Variants in TANK observed in about 807,000 individuals in gnomAD.
TANK encodes TRAF family member associated NFKB activator, also known as TRAF family member-associated NF-kappa-B activator.
In TANK, 15 loss-of-function variants were observed where a neutral mutation model predicts 43.6. That is an observed-to-expected ratio of 0.34 (90% CI 0.23 to 0.53). The LOEUF (loss-of-function observed/expected upper bound fraction) is 0.53, where lower values mean the gene tolerates loss of function less well. Among genes scored for constraint, TANK ranks in the 20% least tolerant of loss-of-function variants. TANK has a pLI of 0.94. For missense variants in TANK, 417 were observed against 498.6 expected (o/e 0.84, Z 1.56); for synonymous variants, 162 against 178.2 (o/e 0.91, Z 0.73).
chr2:161,209,483 A>G (rs1686786941), intron 4 of TANK, among the ~76,000 whole-genome samples: 1 of 152,204 alleles, frequency 6.6e-6, no homozygotes, highest in Non-Finnish European at 1.5e-5. Flanking sequence ...TCACTTTTTT[A>G]AAAACCAGGA....
At chr2:161,149,760 A>C (rs1318232916) in intron 1 of TANK, among the ~76,000 whole-genome samples, 2 of 134,326 alleles carry the variant, frequency 1.5e-5, no homozygotes, top group Non-Finnish European at 3.2e-5. Flanking sequence ...TTTTTTTTCC[A>C]TTTTTCTATG....
chr2:161,209,209 T>C (rs1686776357), intron 4 of TANK, among the ~76,000 whole-genome samples: 1 of 152,206 alleles, frequency 6.6e-6, no homozygotes, highest in Non-Finnish European at 1.5e-5. Context: ...ATAGCAATGC[T>C]TAGAGAACTA....
At chr2:161,217,280 C>G (rs1246998980) in intron 4 of TANK, among the ~76,000 whole-genome samples, 1 of 152,152 alleles carries the variant, frequency 6.6e-6, no homozygotes, top group African/African-American at 2.4e-5. Flanking sequence ...CTGGAGACTG[C>G]CAGAGACTTG....
intron 2 of TANK, among the ~76,000 whole-genome samples, 192 bp from the exon 3 acceptor site, chr2:161,203,295 T>G (rs1048475674): frequency 3.3e-5 from 5 of 152,156 alleles, no homozygotes; most frequent in South Asian, 2.1e-4. Flanking sequence ...CTGCGGTGCT[T>G]TAAGTGTCTT....
chr2:161,160,590 G>A, intron 1 of TANK, 104 bp downstream of exon 1: 2 of 974,214 alleles, frequency 2.1e-6, no homozygotes, highest in Non-Finnish European at 2.8e-6. Context: ...TAGGGGCGCC[G>A]CAGGGAGAGA....
At chr2:161,230,846 CA>C in intron 6 of TANK, 124 bp from the exon 7 acceptor site, 1 of 748,030 alleles carries the variant, frequency 1.3e-6, no homozygotes. Context: ...TTTAAAATCC[CA>C]GTTGTCTTCA....
rs116169478 is a variant in TANK, at chr2:161,202,083, T to C, written c.100-1404T>C. On this transcript the variant is annotated intron_variant, in intron 2 of 7. Coordinates refer to ENST00000392749, the MANE Select transcript of TANK (RefSeq NM_001199135.3). ...CAATGTGCAAAGACAATGTACCACA[T>C]GGGTTGCTTATCAGCTTTGTCAGTT... 4.1e-3 allele frequency among the ~76,000 whole-genome samples: 618 copies of C among 152,268 alleles called. 8 individuals carry two copies. Among genetic ancestry groups the C allele is most frequent in the Non-Finnish European group, 7.8e-3 (531 of 68,020 alleles).
intron 2 of TANK, among the ~76,000 whole-genome samples, chr2:161,199,884 AATAAC>A (rs1686327023): frequency 6.6e-6 from 1 of 152,200 alleles, no homozygotes. Flanking sequence ...TCTCTATACA[AATAAC>A]ATAATAATAA....
intron 2 of TANK, among the ~76,000 whole-genome samples, chr2:161,198,986 G>C (rs1352721905): frequency 6.6e-6 from 1 of 152,032 alleles, no homozygotes; most frequent in Non-Finnish European, 1.5e-5. Context: ...GTTTGATCTC[G>C]TACTATTTAA....
At chr2:161,168,278 G>A (rs1684783143) in intron 1 of TANK, among the ~76,000 whole-genome samples, 1 of 152,106 alleles carries the variant, frequency 6.6e-6, no homozygotes, top group Non-Finnish European at 1.5e-5. Context: ...AAAAGGAGTG[G>A]CAGAATAAGG....
intron 2 of TANK, among the ~76,000 whole-genome samples, chr2:161,180,963 G>A (rs937864047): frequency 2.0e-5 from 3 of 148,570 alleles, no homozygotes; most frequent in Non-Finnish European, 4.4e-5. Context: ...CAAAATTCCA[G>A]ATTCTCTCAA....
rs1266400056 is a variant in TANK, at chr2:161,138,084, T to A, written c.-50+1021T>A. On this transcript the variant is annotated intron_variant, in intron 1 of 7. Transcript: ENST00000259075. ...TGTTAATCTTATAGACAATGCTGCA[T>A]CTCCTTGGACCATTTAAACTTACAC... The A allele has an allele frequency of 1.4e-5, 5 of 364,218 alleles. No individual in the cohort carries two copies. In the Admixed American group the frequency reaches 3.2e-4, roughly 23 times the overall value. 22.6% of individuals were successfully genotyped at this position (364,218 alleles called of 1,614,324 possible). A position where few individuals can be genotyped will look rare whatever the true frequency, so the allele number is the denominator to read the frequency against.
chr2:161,185,537 A>G (rs1243804511), intron 2 of TANK, among the ~76,000 whole-genome samples: 1 of 151,696 alleles, frequency 6.6e-6, no homozygotes, highest in Non-Finnish European at 1.5e-5. Flanking sequence ...AATATATAAC[A>G]TAGCAGAGAG....
chr2:161,234,433 T>A (rs1688074189), intron 7 of TANK, among the ~76,000 whole-genome samples: 1 of 152,216 alleles, frequency 6.6e-6, no homozygotes, highest in Non-Finnish European at 1.5e-5. Flanking sequence ...AATAATTTGG[T>A]TTACACAATT....
At chr2:161,173,417 GTTTAAGTGTCAGATCCTCTGTGAAGCC>G (rs1486174924) in intron 1 of TANK, among the ~76,000 whole-genome samples, 5 of 152,124 alleles carry the variant, frequency 3.3e-5, no homozygotes, top group African/African-American at 1.2e-4. Flanking sequence ...TCGGGACTCT[GTTTAAGTGTCAGATCCTCTGTGAAGCC>G]TTCCACAATC....
chr2:161,148,153 G>C (rs990555245), intron 1 of TANK, among the ~76,000 whole-genome samples: 1 of 152,072 alleles, frequency 6.6e-6, no homozygotes, highest in Non-Finnish European at 1.5e-5. Flanking sequence ...ACTATATAAG[G>C]CTTCCAATTT....
At chr2:161,142,531 T>C (rs1427001574) in intron 1 of TANK, among the ~76,000 whole-genome samples, 1 of 152,210 alleles carries the variant, frequency 6.6e-6, no homozygotes, top group Non-Finnish European at 1.5e-5. Flanking sequence ...GTTTCAGTTT[T>C]CTGCATATGG....
intron 4 of TANK, among the ~76,000 whole-genome samples, chr2:161,218,179 A>G (rs917601941): frequency 6.6e-6 from 1 of 152,186 alleles, no homozygotes; most frequent in Non-Finnish European, 1.5e-5. Context: ...AAAAAAGGCT[A>G]TACCAAAGGT....
At chr2:161,190,230 A>G (rs1021225512) in intron 2 of TANK, among the ~76,000 whole-genome samples, 4 of 152,170 alleles carry the variant, frequency 2.6e-5, no homozygotes, top group African/African-American at 9.6e-5. Context: ...CAGCATCCCT[A>G]TTCATTAGTA....
Sources: gnomAD v4.1 joint callset for allele counts (sites outside exome capture counted in the v4.1 genomes callset) on GRCh38, gnomAD v4.1.1 for gene constraint, MANE v1.5 for transcripts, NCBI Gene and HGNC (gene_info 2026-07-23, HGNC 2026-07-21) for gene names.